The following EYA4 variants were observed in gnomAD, a reference collection of about 807,000 sequenced individuals.
EYA4 encodes protein phosphatase EYA4.
Under a neutral mutation model 87.9 loss-of-function variants are expected in EYA4, and 31 were observed. The observed-to-expected ratio is 0.35, with a 90% CI of 0.27 to 0.48. The LOEUF (loss-of-function observed/expected upper bound fraction) is 0.48, where lower values mean the gene tolerates loss of function less well. EYA4 is among the 20% of genes least tolerant of loss of function. EYA4 has a pLI of 0.99. For missense variants in EYA4, 678 were observed against 761.4 expected (o/e 0.89, Z 1.29); for synonymous variants, 263 against 270.6 (o/e 0.97, Z 0.28).
chr6:133,272,978 A>G (rs925474384), intron 1 of EYA4, among the ~76,000 whole-genome samples: 1 of 151,784 alleles, frequency 6.6e-6, no homozygotes, highest in African/African-American at 2.4e-5. Context: ...GCACTGTGGG[A>G]GGAGCCAAAC....
At chr6:133,337,887 T>C (rs1227236152) in intron 2 of EYA4, among the ~76,000 whole-genome samples, 5 of 152,238 alleles carry the variant, frequency 3.3e-5, no homozygotes, top group African/African-American at 1.2e-4. Context: ...GCACAGCATG[T>C]ATTCAGAACC....
chr6:133,528,906 T>C lies in EYA4; in HGVS notation c.*101T>C. The stretch of plus-strand genomic sequence containing the variant: ...GCTCTACACATATAAATTGTCTTAA[T>C]GGATGAAATCATATTTGGAATAAAA... On this transcript the variant is annotated 3_prime_UTR_variant, in exon 20 of 20. Transcript: ENST00000355286. The C allele has an allele frequency of 1.3e-6, 2 of 1,598,760 alleles. No individual in the cohort carries two copies.
chr6:133,359,941 C>T (rs1362328931), intron 2 of EYA4, among the ~76,000 whole-genome samples: 4 of 152,276 alleles, frequency 2.6e-5, no homozygotes, highest in African/African-American at 9.6e-5. Flanking sequence ...TGCAATCAGA[C>T]CTCTGTCTCC....
At chr6:133,476,764 C>A (rs1235391782) in intron 11 of EYA4, among the ~76,000 whole-genome samples, 3 of 152,030 alleles carry the variant, frequency 2.0e-5, no homozygotes, top group Non-Finnish European at 4.4e-5. Context: ...TTGATATATA[C>A]CCAGCGGTGT....
At position 133,482,995 on chromosome 6, in the gene EYA4, A is replaced by ACTT. The variant is rs757719779; in HGVS notation, c.1108-36_1108-34dup. The stretch of plus-strand genomic sequence containing the variant: ...TGTAAAGAGATTTCTGTTTCCTTGG[A>ACTT]CTTTTTAATTTTCTGATATTTATTT... On this transcript the variant is annotated intron_variant, in intron 12 of 19. Coordinates refer to ENST00000355286, the MANE Select transcript of EYA4 (RefSeq NM_004100.5). The ACTT allele has an allele frequency of 5.4e-5, 83 of 1,526,362 alleles. No individual in the cohort carries two copies. In the African/African-American group the frequency reaches 1.1e-3, roughly 20 times the overall value. The allele number at this position is 1,526,362 out of a possible 1,614,324, so 94.6% of individuals were successfully genotyped here.
At chr6:133,320,757 C>T (rs938378537) in intron 2 of EYA4, among the ~76,000 whole-genome samples, 2 of 152,070 alleles carry the variant, frequency 1.3e-5, no homozygotes, top group African/African-American at 4.8e-5. Context: ...TTAGGTCCCA[C>T]GTAAAAGTAA....
intron 3 of EYA4, among the ~76,000 whole-genome samples, chr6:133,388,777 A>C (rs1297217286): frequency 6.6e-6 from 1 of 152,222 alleles, no homozygotes; most frequent in Non-Finnish European, 1.5e-5. Context: ...GCATTTCTTC[A>C]TTCATACCGT....
At position 133,274,735 on chromosome 6, in the gene EYA4, G is replaced by A; in HGVS notation, c.-46G>A. ...TTTTAGATAGTCATTTTTACTTGAA[G>A]GAAGCTGCTTCTACTTGGGAGTGGC... On this transcript the variant is annotated 5_prime_UTR_variant, in exon 2 of 20. Transcript: ENST00000355286. 1 of 1,565,624 alleles carries A rather than the reference G, an allele frequency of 6.4e-7. No individual in the cohort carries two copies. The highest frequency in any genetic ancestry group is 8.8e-7 in the Non-Finnish European group (1 of 1,136,456).
intron 2 of EYA4, among the ~76,000 whole-genome samples, chr6:133,346,980 C>A (rs1783243868): frequency 6.6e-6 from 1 of 152,184 alleles, no homozygotes; most frequent in East Asian, 1.9e-4. Flanking sequence ...AAGATCCAGT[C>A]CCTGCTCTGT....
At chr6:133,298,067 CT>C (rs1779080763) in intron 2 of EYA4, among the ~76,000 whole-genome samples, 1 of 152,100 alleles carries the variant, frequency 6.6e-6, no homozygotes, top group South Asian at 2.1e-4. Context: ...CCCAGCATCT[CT>C]TTACTTTTTT....
At chr6:133,513,790 C>A (rs1191174561) in intron 16 of EYA4, among the ~76,000 whole-genome samples, 1 of 152,058 alleles carries the variant, frequency 6.6e-6, no homozygotes, top group African/African-American at 2.4e-5. Flanking sequence ...TCAGATTAAT[C>A]TCCCAGGATT....
chr6:133,283,247 T>C (rs1395727143), intron 2 of EYA4, among the ~76,000 whole-genome samples: 1 of 152,022 alleles, frequency 6.6e-6, no homozygotes, highest in Admixed American at 6.6e-5. Context: ...TGAGCCGAGA[T>C]TGTGCCACTG....
chr6:133,531,325 G>A lies in EYA4; in HGVS notation c.*2520G>A, dbSNP rs1800999267. The A allele has an allele frequency of 7.1e-6, 6 of 848,080 alleles. No homozygotes were observed. The East Asian group carries it at 1.1e-4, about 15-fold the overall frequency. 52.5% of individuals were successfully genotyped at this position (848,080 alleles called of 1,614,324 possible). A position where few individuals can be genotyped will look rare whatever the true frequency, so the allele number is the denominator to read the frequency against. On this transcript the variant is annotated 3_prime_UTR_variant, in exon 20 of 20. Transcript: ENST00000355286. ...AGCTTGGCCATGGGACGTTGAGTATGCACAAACTAGAACTCTTCCCTTCCC... is the reference window on the plus strand; with the variant it reads ...AGCTTGGCCATGGGACGTTGAGTATACACAAACTAGAACTCTTCCCTTCCC...
intron 3 of EYA4, among the ~76,000 whole-genome samples, chr6:133,406,338 A>G (rs1296961817): frequency 6.6e-6 from 1 of 152,228 alleles, no homozygotes. Context: ...CAGCTAGAGA[A>G]TGACATCTGG....
At chr6:133,461,045 T>G in intron 6 of EYA4, 69 bp from the exon 7 acceptor site, 1 of 1,004,704 alleles carries the variant, frequency 1.0e-6, no homozygotes, top group Admixed American at 1.7e-5. Context: ...TTCAAATTGG[T>G]TATGTACACT....
chr6:133,352,469 C>T (rs535393210), intron 2 of EYA4, among the ~76,000 whole-genome samples: 3 of 152,198 alleles, frequency 2.0e-5, no homozygotes, highest in South Asian at 4.1e-4. Context: ...ACAACACTTT[C>T]ATCTACATTT....
At position 133,439,049 on chromosome 6, in the gene EYA4, C is replaced by CAAAAA. The variant is rs56261819; in HGVS notation, c.84-7558_84-7554dup. ...TGGGTGACAAAGCGAGACTCCGTCT[C>CAAAAA]AAAAAAAAAAAAAAAAAAAAAAAAA... On this transcript the variant is annotated intron_variant, in intron 3 of 19. Transcript: ENST00000355286. Among the ~76,000 whole-genome samples the CAAAAA allele has an allele frequency of 4.1e-4, 26 of 64,030 alleles. 4 individuals are homozygous for CAAAAA. The highest frequency in any genetic ancestry group is 1.8e-3 in the Admixed American group (7 of 3,842). 42.0% of individuals were successfully genotyped at this position (64,030 alleles called of 152,430 possible).
At chr6:133,503,505 A>T (rs3777883) in intron 13 of EYA4, among the ~76,000 whole-genome samples, 14,315 of 152,212 alleles carry the variant, frequency 0.094, 1,338 homozygotes, top group East Asian at 0.26. Context: ...AACATAACAG[A>T]CTAGTGTGGA....
intron 1 of EYA4, among the ~76,000 whole-genome samples, chr6:133,272,988 C>A (rs941330625): frequency 1.5e-4 from 23 of 151,680 alleles, no homozygotes; most frequent in African/African-American, 4.6e-4. Flanking sequence ...AGGAGCCAAA[C>A]GCTGGGTTAA....
Sources: gnomAD v4.1 joint callset for allele counts (sites outside exome capture counted in the v4.1 genomes callset) on GRCh38, gnomAD v4.1.1 for gene constraint, MANE v1.5 for transcripts, NCBI Gene and HGNC (gene_info 2026-07-23, HGNC 2026-07-21) for gene names.